Variants in MYO5B observed in about 807,000 individuals in gnomAD.
The protein encoded by MYO5B is unconventional myosin-Vb.
A neutral mutation model predicts 229.3 loss-of-function variants in MYO5B; 143 were observed. The ratio of observed to expected loss-of-function variants is 0.62; its 90% CI spans 0.54 to 0.72. MYO5B has a LOEUF of 0.72. Among genes scored for constraint, MYO5B ranks in the 30% least tolerant of loss-of-function variants. The probability of loss-of-function intolerance (pLI) is 0.00; values close to 1 mark genes in which losing one functional copy is unlikely to be tolerated. For synonymous variants in MYO5B, 918 were observed against 885.2 expected (o/e 1.04, Z -0.66); for missense variants, 2,321 against 2,331.0 (o/e 1.00, Z 0.09).
chr18:50,006,923 A>G (rs2026108397), intron 4 of MYO5B, among the ~76,000 whole-genome samples: 1 of 152,162 alleles, frequency 6.6e-6, no homozygotes. Context: ...AACTAGCTAT[A>G]TGTACACAGA....
chr18:49,904,099 G>A (rs2024873277), intron 20 of MYO5B, among the ~76,000 whole-genome samples: 1 of 152,256 alleles, frequency 6.6e-6, no homozygotes, highest in African/African-American at 2.4e-5. Context: ...TGTGAAAACT[G>A]CCATGATTGG....
chr18:50,185,705 C>A (rs1348335808), intron 1 of MYO5B, among the ~76,000 whole-genome samples: 1 of 152,180 alleles, frequency 6.6e-6, no homozygotes, highest in Non-Finnish European at 1.5e-5. Context: ...TGGAACCAAC[C>A]TAAATGCTCA....
rs1426655356 is a variant in MYO5B, at chr18:49,877,892, A to C, written c.3277-10T>G. 6.2e-7 allele frequency: 1 copy of C among 1,614,042 alleles called. No individual in the cohort carries two copies. Among genetic ancestry groups the C allele is most frequent in the Admixed American group, 1.7e-5 (1 of 60,020 alleles). ...TATGACCTGGAGTTTGCTGTTCAACAAGAAAAACGTGATAGCTCATTAGGA... is the reference window on the plus strand; with the variant it reads ...TATGACCTGGAGTTTGCTGTTCAACCAGAAAAACGTGATAGCTCATTAGGA... On this transcript the variant is annotated splice_polypyrimidine_tract_variant and intron_variant, in intron 24 of 39. Transcript: ENST00000285039.
At chr18:50,149,862 C>T (rs1034879166) in intron 1 of MYO5B, among the ~76,000 whole-genome samples, 3 of 150,364 alleles carry the variant, frequency 2.0e-5, no homozygotes, top group Non-Finnish European at 3.0e-5. Context: ...TGCTTCTGCA[C>T]AGCAAAAGAA....
At chr18:50,129,274 G>A (rs1028804439) in intron 1 of MYO5B, among the ~76,000 whole-genome samples, 5 of 152,208 alleles carry the variant, frequency 3.3e-5, no homozygotes, top group African/African-American at 1.2e-4. Flanking sequence ...TCCAGCAAAT[G>A]CTGTCCACAC....
chr18:49,837,222 T>C (rs1206714222), intron 37 of MYO5B, among the ~76,000 whole-genome samples: 1 of 152,260 alleles, frequency 6.6e-6, no homozygotes, highest in Non-Finnish European at 1.5e-5. Flanking sequence ...TCATGCCTCT[T>C]AACTCATTGA....
At chr18:50,043,627 T>C (rs954147139) in intron 2 of MYO5B, among the ~76,000 whole-genome samples, 2 of 135,062 alleles carry the variant, frequency 1.5e-5, no homozygotes, top group African/African-American at 5.5e-5. Flanking sequence ...TATAAATATA[T>C]AAATATATTA....
intron 29 of MYO5B, among the ~76,000 whole-genome samples, chr18:49,862,679 G>T (rs369759574): frequency 6.6e-6 from 1 of 152,124 alleles, no homozygotes; most frequent in African/African-American, 2.4e-5. Flanking sequence ...GCTTATTTTC[G>T]AGGGGACAGT....
chr18:49,826,763 T>G, intron 39 of MYO5B, 140 bp from the exon 40 acceptor site: 1 of 1,020,480 alleles, frequency 9.8e-7, no homozygotes, highest in East Asian at 2.5e-5. Context: ...TAGGAGAATG[T>G]GATCTCCTCA....
chr18:49,914,776 A>T (rs1401554460), intron 17 of MYO5B, among the ~76,000 whole-genome samples: 2 of 32,284 alleles, frequency 6.2e-5, no homozygotes, highest in Non-Finnish European at 1.5e-4. Flanking sequence ...ACCTTGTCTC[A>T]AAAAAAAAAA....
chr18:50,145,622 A>G (rs530352272), intron 1 of MYO5B, among the ~76,000 whole-genome samples: 1 of 152,052 alleles, frequency 6.6e-6, no homozygotes, highest in African/African-American at 2.4e-5. Context: ...TTCATTCATC[A>G]TAAGAAGTAT....
chr18:49,974,273 T>C, intron 10 of MYO5B, 77 bp downstream of exon 10: 2 of 1,598,570 alleles, frequency 1.3e-6, no homozygotes, highest in South Asian at 2.2e-5. Context: ...AGCTCTCCAA[T>C]GCCCCTGCTG....
chr18:49,907,724 C>T (rs1464573642), intron 18 of MYO5B, among the ~76,000 whole-genome samples: 1 of 152,270 alleles, frequency 6.6e-6, no homozygotes, highest in Non-Finnish European at 1.5e-5. Context: ...GTTCCACACA[C>T]AGGGAAGGCT....
chr18:50,011,797 A>T (rs991315799), intron 4 of MYO5B, among the ~76,000 whole-genome samples: 6 of 152,022 alleles, frequency 3.9e-5, no homozygotes, highest in African/African-American at 1.4e-4. Flanking sequence ...CTGCTGCTGG[A>T]AACATATTTC....
At chr18:49,989,245 C>T (rs1403018783) in intron 7 of MYO5B, among the ~76,000 whole-genome samples, 4 of 152,148 alleles carry the variant, frequency 2.6e-5, no homozygotes, top group African/African-American at 9.7e-5. Context: ...GTTATGAGGG[C>T]AGACTTGCGC....
At position 49,826,473 on chromosome 18, in the gene MYO5B, A is replaced by C; in HGVS notation, c.5545T>G (p.Ter1849GlyextTer9). ...CLNLEFLNEV* is the reference protein window; with the variant it reads ...CLNLEFLNEVG ...ACTAATGCTGGAAACATGCATCTTC[A>C]GACTTCATTGAGGAATTCCAGATTG... Residue 1849 changes from the stop codon to glycine (G), a stop_lost, in exon 40 of 40, where the codon TGA (stop) becomes GGA (glycine). Transcript: ENST00000285039. The C allele has an allele frequency of 6.2e-7, 1 of 1,613,936 alleles. No homozygotes were observed. Among genetic ancestry groups the C allele is most frequent in the Non-Finnish European group, 8.5e-7 (1 of 1,179,862 alleles).
chr18:49,932,740 G>A (rs2025207398), intron 16 of MYO5B, among the ~76,000 whole-genome samples: 1 of 152,122 alleles, frequency 6.6e-6, no homozygotes. Context: ...ATACAAAGAA[G>A]ATATTGCCAT....
At chr18:49,968,204 C>T (rs1157369540) in intron 10 of MYO5B, among the ~76,000 whole-genome samples, 1 of 152,170 alleles carries the variant, frequency 6.6e-6, no homozygotes, top group Non-Finnish European at 1.5e-5. Context: ...ACAATGAGGC[C>T]ATAGTGTTCC....
intron 1 of MYO5B, among the ~76,000 whole-genome samples, chr18:50,086,551 C>T (rs965025079): frequency 6.6e-6 from 1 of 152,200 alleles, no homozygotes; most frequent in African/African-American, 2.4e-5. Flanking sequence ...GTGTTCTTTA[C>T]TCACTGATTC....
Sources: allele counts gnomAD v4.1 joint callset (sites outside exome capture counted in the v4.1 genomes callset), GRCh38; gene constraint gnomAD v4.1.1; transcripts MANE v1.5; gene names NCBI Gene and HGNC (gene_info 2026-07-23, HGNC 2026-07-21).